COMMD1: variants seen among roughly 807,000 people sequenced by gnomAD.
COMMD1 encodes the protein copper metabolism domain containing 1, also known as COMM domain-containing protein 1.
COMMD1 carries 10 observed loss-of-function variants against 17.2 expected under a neutral mutation model. The observed-to-expected ratio is 0.58, with a 90% CI of 0.36 to 0.99. COMMD1 has a LOEUF of 0.99. Ranked by LOEUF, COMMD1 falls within the 50% of genes least tolerant of loss-of-function variation. The pLI is 0.01. For missense variants in COMMD1, 270 were observed against 231.8 expected, an observed-to-expected ratio of 1.17 and a Z score of -1.07; for synonymous variants, 97 against 91.6, an observed-to-expected ratio of 1.06 and a Z score of -0.34.
intron 2 of COMMD1, among the ~76,000 whole-genome samples, chr2:62,134,297 G>A (rs928039786): frequency 6.6e-6 from 1 of 152,174 alleles, no homozygotes; most frequent in Non-Finnish European, 1.5e-5. Flanking sequence ...TTGACTTAGT[G>A]ACTGTCATCA....
chr2:62,036,352 C>T (rs1670039415), intron 2 of COMMD1, among the ~76,000 whole-genome samples: 1 of 152,066 alleles, frequency 6.6e-6, no homozygotes, highest in Non-Finnish European at 1.5e-5. Flanking sequence ...TCCTTTTTAA[C>T]AAATGAAAAG....
chr2:61,958,965 GC>G (rs1671268159), intron 1 of COMMD1, among the ~76,000 whole-genome samples: 1 of 152,116 alleles, frequency 6.6e-6, no homozygotes, highest in African/African-American at 2.4e-5. Flanking sequence ...TAGATTAAAG[GC>G]CGCGAACACT....
At chr2:62,134,131 C>T (rs1673121024) in intron 2 of COMMD1, among the ~76,000 whole-genome samples, 1 of 151,746 alleles carries the variant, frequency 6.6e-6, no homozygotes, top group South Asian at 2.1e-4. Flanking sequence ...GAAGTTTCTG[C>T]TCTTGGCCAG....
intron 2 of COMMD1, 26 bp downstream of exon 2, chr2:62,001,008 C>T: frequency 6.2e-7 from 1 of 1,602,190 alleles, no homozygotes; most frequent in Non-Finnish European, 8.5e-7. Context: ...GTCAATTTTC[C>T]TTTGTAAACT....
upstream of COMMD1, among the ~76,000 whole-genome samples, chr2:61,901,382 G>A (rs1669651990): frequency 2.0e-5 from 3 of 152,036 alleles, no homozygotes; most frequent in Non-Finnish European, 4.4e-5. Flanking sequence ...CAGCACTTTG[G>A]GAGGCCGAGG....
At position 61,905,865 on chromosome 2, in the gene COMMD1, C is replaced by T. The variant is rs368976863; in HGVS notation, c.180+7C>T. On this transcript the variant is annotated splice_region_variant and intron_variant, in intron 1 of 2. Transcript: ENST00000311832. ...GATGAGGGGGATTCTTAAGGTACTG[C>T]TCTTTTCTGTAGTCTCCGGCTTGGA... The T allele has an allele frequency of 9.4e-5, 152 of 1,614,034 alleles. No homozygotes were observed. The African/African-American group carries it at 1.8e-3, about 19-fold the overall frequency.
intron 2 of COMMD1, among the ~76,000 whole-genome samples, chr2:62,133,994 T>A (rs1206064977): frequency 2.0e-5 from 3 of 151,932 alleles, no homozygotes; most frequent in Admixed American, 6.6e-5. Context: ...AGAGATAGAG[T>A]TTCATTATTA....
chr2:61,983,178 T>C (rs1398716160), intron 1 of COMMD1, among the ~76,000 whole-genome samples: 3 of 151,956 alleles, frequency 2.0e-5, no homozygotes, highest in Non-Finnish European at 4.4e-5. Context: ...TGGGAGACTT[T>C]TTATCATGGC....
At chr2:61,950,681 G>A (rs1671028044) in intron 1 of COMMD1, among the ~76,000 whole-genome samples, 1 of 152,134 alleles carries the variant, frequency 6.6e-6, no homozygotes, top group South Asian at 2.1e-4. Context: ...GTAAAACAAA[G>A]GTTACTTTAA....
At chr2:62,059,948 G>T (rs556030050) in intron 2 of COMMD1, among the ~76,000 whole-genome samples, 2 of 151,898 alleles carry the variant, frequency 1.3e-5, no homozygotes, top group South Asian at 2.1e-4. Flanking sequence ...AATTTTGGGG[G>T]GGGAATTCCA....
intron 2 of COMMD1, among the ~76,000 whole-genome samples, chr2:62,075,946 C>T (rs572294428): frequency 6.6e-6 from 1 of 152,334 alleles, no homozygotes; most frequent in African/African-American, 2.4e-5. Context: ...TCTGAGACCA[C>T]TCTGTTGTAA....
At chr2:62,133,181 C>T (rs1001331652) in intron 2 of COMMD1, among the ~76,000 whole-genome samples, 1 of 152,206 alleles carries the variant, frequency 6.6e-6, no homozygotes, top group African/African-American at 2.4e-5. Flanking sequence ...TCTGTGGAAG[C>T]CTTTCATCCA....
intron 1 of COMMD1, among the ~76,000 whole-genome samples, chr2:61,925,094 T>C (rs1670294523): frequency 6.6e-6 from 1 of 151,634 alleles, no homozygotes; most frequent in South Asian, 2.1e-4. Context: ...GTGGATGAAG[T>C]CGCCAGCAAT....
intron 2 of COMMD1, among the ~76,000 whole-genome samples, chr2:62,078,282 G>T (rs917473919): frequency 6.9e-6 from 1 of 145,550 alleles, no homozygotes; most frequent in Non-Finnish European, 1.5e-5. Context: ...AGCCGGGCAC[G>T]GTAGCTCATG....
intron 2 of COMMD1, among the ~76,000 whole-genome samples, chr2:62,130,638 G>A (rs753022324): frequency 1.1e-4 from 16 of 152,198 alleles, no homozygotes; most frequent in Non-Finnish European, 1.9e-4. Context: ...TATTACTGTA[G>A]AAAATATAGG....
At chr2:62,101,966 A>G (rs752568642) in intron 2 of COMMD1, among the ~76,000 whole-genome samples, 7 of 152,164 alleles carry the variant, frequency 4.6e-5, no homozygotes, top group Non-Finnish European at 8.8e-5. Flanking sequence ...GTCAGCCTAT[A>G]GTACTGAAAT....
intron 2 of COMMD1, among the ~76,000 whole-genome samples, chr2:62,088,392 C>T (rs1671729124): frequency 1.3e-5 from 2 of 152,194 alleles, no homozygotes. Context: ...AATAAATGTA[C>T]TGTGGGCACT....
At chr2:61,950,879 C>A (rs891569563) in intron 1 of COMMD1, among the ~76,000 whole-genome samples, 6 of 152,158 alleles carry the variant, frequency 3.9e-5, no homozygotes, top group Non-Finnish European at 8.8e-5. Flanking sequence ...CTTGTGAATT[C>A]TTTCTGGAAT....
At chr2:62,051,234 A>G (rs1027231223) in intron 2 of COMMD1, among the ~76,000 whole-genome samples, 2 of 152,164 alleles carry the variant, frequency 1.3e-5, no homozygotes, top group Non-Finnish European at 2.9e-5. Flanking sequence ...CTGACAAGAA[A>G]TTAACTTACA....
Sources: allele counts gnomAD v4.1 joint callset (sites outside exome capture counted in the v4.1 genomes callset), GRCh38; gene constraint gnomAD v4.1.1; transcripts MANE v1.5; gene names NCBI Gene and HGNC (gene_info 2026-07-23, HGNC 2026-07-21).